The following DCC variants were observed in gnomAD, a reference collection of about 807,000 sequenced individuals.
DCC encodes netrin receptor DCC.
A neutral mutation model predicts 172.5 loss-of-function variants in DCC; 58 were observed. The observed-to-expected ratio is 0.34, with a 90% CI of 0.27 to 0.42. The LOEUF is 0.42. DCC is among the 10% of genes least tolerant of loss of function. The pLI is 1.00. For synonymous variants in DCC, 709 were observed against 644.5 expected, an observed-to-expected ratio of 1.10 and a Z score of -1.52; for missense variants, 1,740 against 1,791.0, an observed-to-expected ratio of 0.97 and a Z score of 0.51.
At chr18:52,748,269 TG>T (rs1363946315) in intron 1 of DCC, among the ~76,000 whole-genome samples, 1 of 152,174 alleles carries the variant, frequency 6.6e-6, no homozygotes, top group Non-Finnish European at 1.5e-5. Flanking sequence ...GTGTCTGGAC[TG>T]GGGGAACACG....
At chr18:52,675,162 G>A (rs1341197342) in intron 1 of DCC, among the ~76,000 whole-genome samples, 2 of 152,068 alleles carry the variant, frequency 1.3e-5, no homozygotes, top group East Asian at 1.9e-4. Flanking sequence ...AGGTTCAAGC[G>A]ATTCTCCTGC....
intron 5 of DCC, among the ~76,000 whole-genome samples, chr18:52,981,193 CT>C (rs2041203501): frequency 6.6e-6 from 1 of 152,008 alleles, no homozygotes; most frequent in African/African-American, 2.4e-5. Flanking sequence ...ATTTTATATT[CT>C]GATTTTGGTA....
chr18:52,739,252 A>G (rs1351182685), intron 1 of DCC, among the ~76,000 whole-genome samples: 1 of 152,122 alleles, frequency 6.6e-6, no homozygotes, highest in Non-Finnish European at 1.5e-5. Context: ...GTCATTCACC[A>G]CCAACCTAGC....
At chr18:52,696,969 T>C (rs1251728756) in intron 1 of DCC, among the ~76,000 whole-genome samples, 7 of 152,176 alleles carry the variant, frequency 4.6e-5, no homozygotes, top group Non-Finnish European at 1.0e-4. Flanking sequence ...CAGTCAGATT[T>C]GGGAGGTACC....
At chr18:52,430,770 C>G (rs185371309) in intron 1 of DCC, among the ~76,000 whole-genome samples, 7 of 152,180 alleles carry the variant, frequency 4.6e-5, no homozygotes, top group Non-Finnish European at 1.0e-4. Context: ...GAAATAAATG[C>G]TGAAATAATG....
chr18:52,827,272 T>C (rs764825173), intron 2 of DCC, among the ~76,000 whole-genome samples: 1 of 152,202 alleles, frequency 6.6e-6, no homozygotes, highest in Non-Finnish European at 1.5e-5. Flanking sequence ...CTAACCCCAA[T>C]TGATAAGCAG....
chr18:52,486,698 G>T (rs2030243249), intron 1 of DCC, among the ~76,000 whole-genome samples: 1 of 152,048 alleles, frequency 6.6e-6, no homozygotes, highest in South Asian at 2.1e-4. Flanking sequence ...CCACAAATCT[G>T]CGAGTCTTAT....
chr18:53,421,961 A>T (rs1910665062), intron 21 of DCC, among the ~76,000 whole-genome samples: 1 of 152,206 alleles, frequency 6.6e-6, no homozygotes, highest in South Asian at 2.1e-4. Flanking sequence ...AAAAAGAGAC[A>T]GAGAGGTTAA....
At chr18:53,483,976 TA>T (rs1463285685) in intron 25 of DCC, among the ~76,000 whole-genome samples, 4 of 150,208 alleles carry the variant, frequency 2.7e-5, no homozygotes, top group Admixed American at 1.3e-4. Context: ...GATAGATAGA[TA>T]GATAGATAGA....
chr18:52,545,649 T>C (rs2032591007), intron 1 of DCC, among the ~76,000 whole-genome samples: 1 of 152,176 alleles, frequency 6.6e-6, no homozygotes, highest in African/African-American at 2.4e-5. Flanking sequence ...GAGATTATCA[T>C]AGGTTATTGT....
intron 1 of DCC, among the ~76,000 whole-genome samples, chr18:52,556,587 T>C (rs1429093738): frequency 6.6e-6 from 1 of 152,112 alleles, no homozygotes; most frequent in Non-Finnish European, 1.5e-5. Flanking sequence ...TTAGTGTCCT[T>C]CATTTTCACA....
At chr18:53,272,898 G>A (rs1001904227) in intron 12 of DCC, among the ~76,000 whole-genome samples, 5 of 152,092 alleles carry the variant, frequency 3.3e-5, no homozygotes, top group East Asian at 3.9e-4. Context: ...TATGATTCTC[G>A]AAGAATGAAG....
At chr18:52,925,790 A>G (rs11082957) in intron 5 of DCC, among the ~76,000 whole-genome samples, 6,310 of 151,950 alleles carry the variant, frequency 0.042, 181 homozygotes, top group Non-Finnish European at 0.062. Context: ...TGTTGGTAAG[A>G]TTTTTTTATT....
intron 15 of DCC, among the ~76,000 whole-genome samples, chr18:53,375,005 T>A (rs2058095324): frequency 6.6e-6 from 1 of 152,100 alleles, no homozygotes; most frequent in Non-Finnish European, 1.5e-5. Context: ...GACCCATGGG[T>A]GGATTGGAAA....
Position 53,269,382 on chromosome 18 carries a change from T to G in DCC, c.1912-36196T>G, listed in dbSNP as rs2056720734. On this transcript the variant is annotated intron_variant, in intron 12 of 28. Coordinates refer to ENST00000442544, the MANE Select transcript of DCC (RefSeq NM_005215.4). ...TTAACAACAATGGTCTATTTTACAT[T>G]AAAGCCTATTAGTCAACCCTGAGCA... 2.0e-5 allele frequency among the ~76,000 whole-genome samples: 3 copies of G among 152,254 alleles called. No individual in the cohort carries two copies. In the South Asian group the frequency reaches 6.2e-4, roughly 32 times the overall value.
chr18:53,432,170 CTAG>C (rs1476261138), intron 21 of DCC, among the ~76,000 whole-genome samples: 1 of 151,702 alleles, frequency 6.6e-6, no homozygotes, highest in Non-Finnish European at 1.5e-5. Context: ...TTAATTAAAC[CTAG>C]TAGTAAGTTT....
intron 1 of DCC, among the ~76,000 whole-genome samples, chr18:52,499,558 T>TC (rs916188906): frequency 2.0e-5 from 3 of 152,168 alleles, no homozygotes; most frequent in Non-Finnish European, 2.9e-5. Context: ...CCATATGCTT[T>TC]CTCCCATCAT....
chr18:53,234,955 C>T (rs1315482648), intron 12 of DCC, among the ~76,000 whole-genome samples: 1 of 152,136 alleles, frequency 6.6e-6, no homozygotes, highest in Admixed American at 6.5e-5. Flanking sequence ...AAATATGTGT[C>T]ACAAACGGAC....
At chr18:52,626,137 G>C (rs906509031) in intron 1 of DCC, among the ~76,000 whole-genome samples, 9 of 152,176 alleles carry the variant, frequency 5.9e-5, no homozygotes, top group Non-Finnish European at 1.3e-4. Flanking sequence ...CATGTTTGAA[G>C]TTATCCAACT....
Sources: gnomAD v4.1 joint callset for allele counts (sites outside exome capture counted in the v4.1 genomes callset) on GRCh38, gnomAD v4.1.1 for gene constraint, MANE v1.5 for transcripts, NCBI Gene and HGNC (gene_info 2026-07-23, HGNC 2026-07-21) for gene names.